The following GALNT16 variants were observed in gnomAD, a reference collection of about 807,000 sequenced individuals.
The protein encoded by GALNT16 is polypeptide N-acetylgalactosaminyltransferase 16, also known as UDP-GalNAc:polypeptide N-acetylgalactosaminyltransferase-like protein 1.
Under a neutral mutation model 76.1 loss-of-function variants are expected in GALNT16, and 40 were observed. The ratio of observed to expected loss-of-function variants is 0.53; its 90% confidence interval spans 0.41 to 0.68. GALNT16 has a LOEUF of 0.68. GALNT16 is among the 30% of genes least tolerant of loss of function. The probability of loss-of-function intolerance (pLI) is 0.00; values close to 1 mark genes in which losing one functional copy is unlikely to be tolerated. For synonymous variants in GALNT16, 276 were observed against 285.2 expected (o/e 0.97, Z 0.32); for missense variants, 621 against 731.9 (o/e 0.85, Z 1.75).
the GALNT16 span, among the ~76,000 whole-genome samples, chr14:69,371,130 C>T: frequency 6.6e-6 from 1 of 152,214 alleles, no homozygotes; most frequent in Non-Finnish European, 1.5e-5. Flanking sequence ...GAACAAGATT[C>T]CTTGCCTGAG....
upstream of GALNT16, chr14:69,260,136 A>ACCCCCACCCC: frequency 8.8e-6 from 1 of 113,994 alleles, no homozygotes; most frequent in Non-Finnish European, 1.8e-5. Context: ...TCTCCCTATC[A>ACCCCCACCCC]CCCCCCCGCC....
In GALNT16 at chr14:69,328,582, G is replaced by C; in HGVS notation, c.690+11G>C. 6.2e-7 allele frequency: 1 copy of C among 1,610,538 alleles called. No homozygotes were observed. The highest frequency in any genetic ancestry group is 8.5e-7 in the Non-Finnish European group (1 of 1,178,846). ...CAGCGGGTGAAGGAGGTGAGCCACT[G>C]TCTCTGGGGAGCTGGGCGTCCTTGG... On this transcript the variant is annotated intron_variant, in intron 6 of 14. Coordinates refer to ENST00000448469, the MANE Select transcript of GALNT16 (RefSeq NM_001168368.2).
At chr14:69,346,566 A>G (rs1387021572) in intron 12 of GALNT16, among the ~76,000 whole-genome samples, 1 of 152,202 alleles carries the variant, frequency 6.6e-6, no homozygotes, top group Non-Finnish European at 1.5e-5. Context: ...TACATGGTAA[A>G]TAAACATTGG....
chr14:69,325,375 T>C lies in GALNT16; in HGVS notation c.473T>C (p.Ile158Thr). 6.2e-7 allele frequency: 1 copy of C among 1,601,272 alleles called. No individual in the cohort carries two copies. The highest frequency in any genetic ancestry group is 8.6e-7 in the Non-Finnish European group (1 of 1,168,314). ...ACTCCTGCCAACTTGATCCAGGAGATCATTTTAGTGGATGACTTCAGCTCA... is the reference window on the plus strand; with the variant it reads ...ACTCCTGCCAACTTGATCCAGGAGACCATTTTAGTGGATGACTTCAGCTCA... ...NRTPANLIQE[I>T]ILVDDFSSDP... Residue 158 changes from isoleucine to threonine, a missense_variant, in exon 4 of 15, where the codon ATC (isoleucine) becomes ACC (threonine). By Grantham distance (89) the Ile-to-Thr change is moderately conservative (BLOSUM62 -1). Transcript: ENST00000448469.
At chr14:69,293,802 A>G (rs2044717476) in intron 1 of GALNT16, among the ~76,000 whole-genome samples, 2 of 152,198 alleles carry the variant, frequency 1.3e-5, no homozygotes, top group African/African-American at 4.8e-5. Flanking sequence ...TATTCCCAGG[A>G]CCATGTTACT....
At position 69,347,315 on chromosome 14, in the gene GALNT16, A is replaced by C. The variant is rs912231472; in HGVS notation, c.1413+134A>C. The C allele has an allele frequency of 3.4e-5, 26 of 774,884 alleles. No individual in the cohort carries two copies. The East Asian group carries it at 7.1e-4, about 21-fold the overall frequency. The allele number at this position is 774,884 out of a possible 1,614,324, so 48.0% of individuals were successfully genotyped here. A position where few individuals can be genotyped will look rare whatever the true frequency, so the allele number is the denominator to read the frequency against. ...CAAACCCACTTTGCCAGGGGCCCCTAGACCCTGCTCCTACACATTCATATC... is the reference window on the plus strand; with the variant it reads ...CAAACCCACTTTGCCAGGGGCCCCTCGACCCTGCTCCTACACATTCATATC... On this transcript the variant is annotated intron_variant, in intron 13 of 14. Coordinates refer to ENST00000448469, the MANE Select transcript of GALNT16 (RefSeq NM_001168368.2).
chr14:69,268,659 G>A (rs567309650), intron 1 of GALNT16, among the ~76,000 whole-genome samples: 1 of 150,182 alleles, frequency 6.7e-6, no homozygotes, highest in African/African-American at 2.4e-5. Flanking sequence ...CTCTCAAGGG[G>A]CTCATATTCT....
At chr14:69,356,089 C>T (rs1363407465), downstream of GALNT16, 2 of 152,268 alleles carry the variant, frequency 1.3e-5, no homozygotes, top group African/African-American at 4.8e-5. Flanking sequence ...TGGTCTGAGT[C>T]AGTGCTCCTC....
chr14:69,386,223 T>C, the GALNT16 span, among the ~76,000 whole-genome samples: 8,223 of 152,306 alleles, frequency 0.054, 318 homozygotes, highest in East Asian at 0.094. Flanking sequence ...CATTCCATGA[T>C]TGGCTCCAGT....
At chr14:69,343,523 C>T (rs1038541657) in intron 12 of GALNT16, among the ~76,000 whole-genome samples, 2 of 152,214 alleles carry the variant, frequency 1.3e-5, no homozygotes, top group African/African-American at 4.8e-5. Context: ...TCCCTGGACA[C>T]TAGCTGTGAT....
intron 1 of GALNT16, among the ~76,000 whole-genome samples, chr14:69,273,675 C>T (rs1312582122): frequency 6.6e-6 from 1 of 152,188 alleles, no homozygotes; most frequent in African/African-American, 2.4e-5. Context: ...TTCTCATCTC[C>T]TTGGGCCAGA....
chr14:69,309,907 G>A (rs570764319), intron 1 of GALNT16, among the ~76,000 whole-genome samples: 1 of 152,152 alleles, frequency 6.6e-6, no homozygotes, highest in African/African-American at 2.4e-5. Context: ...ATACTTTTAA[G>A]TTTCTTTTTC....
At chr14:69,292,730 C>T (rs1340973193) in intron 1 of GALNT16, among the ~76,000 whole-genome samples, 1 of 152,214 alleles carries the variant, frequency 6.6e-6, no homozygotes, top group Non-Finnish European at 1.5e-5. Flanking sequence ...TCATCTTTTT[C>T]TCATTAGTCT....
At chr14:69,295,544 ACT>A (rs1181039154) in intron 1 of GALNT16, among the ~76,000 whole-genome samples, 1 of 151,902 alleles carries the variant, frequency 6.6e-6, no homozygotes, top group Admixed American at 6.6e-5. Context: ...ACATAGCGAA[ACT>A]CTGTCTCTAC....
chr14:69,353,169 C>T lies in GALNT16; in HGVS notation c.*1001C>T, dbSNP rs1190211757. 6.6e-6 allele frequency among the ~76,000 whole-genome samples: 1 copy of T among 152,172 alleles called. No homozygotes were observed. Among genetic ancestry groups the T allele is most frequent in the Non-Finnish European group, 1.5e-5 (1 of 68,028 alleles). On this transcript the variant is annotated 3_prime_UTR_variant, in exon 15 of 15. Transcript: ENST00000448469. The stretch of plus-strand genomic sequence containing the variant: ...CTTTCTCAAAGGTTTTTGCCTCTGT[C>T]AATACAGCATCATGGGTGGTTGGAA...
chr14:69,316,599 G>A (rs542022380), intron 1 of GALNT16, among the ~76,000 whole-genome samples: 10 of 152,282 alleles, frequency 6.6e-5, no homozygotes, highest in East Asian at 5.8e-4. Flanking sequence ...TTTGAGCAGC[G>A]TCCTGCAGGA....
the GALNT16 span, among the ~76,000 whole-genome samples, chr14:69,377,775 A>ACAG: frequency 1.5e-5 from 2 of 135,356 alleles, no homozygotes; most frequent in East Asian, 4.9e-4. Context: ...CCACTGCACT[A>ACAG]CAGCCTGGGT....
At chr14:69,375,441 T>C in the GALNT16 span, among the ~76,000 whole-genome samples, 2 of 152,104 alleles carry the variant, frequency 1.3e-5, no homozygotes, top group African/African-American at 4.8e-5. Context: ...CTGTTTGTTA[T>C]CTATTTTCCC....
intron 1 of GALNT16, among the ~76,000 whole-genome samples, chr14:69,294,730 C>T (rs1448199974): frequency 3.9e-5 from 6 of 152,092 alleles, no homozygotes; most frequent in African/African-American, 1.4e-4. Flanking sequence ...TAGCTTCTTT[C>T]ACGTTACCTG....
Sources: allele counts gnomAD v4.1 joint callset (sites outside exome capture counted in the v4.1 genomes callset), GRCh38; gene constraint gnomAD v4.1.1; transcripts MANE v1.5; gene names NCBI Gene and HGNC (gene_info 2026-07-23, HGNC 2026-07-21).